Variants in ADAMTS17 observed in about 807,000 individuals in gnomAD.
The protein encoded by ADAMTS17 is ADAM metallopeptidase with thrombospondin type 1 motif 17, also known as A disintegrin and metalloproteinase with thrombospondin motifs 17.
In ADAMTS17, 113 loss-of-function variants were observed where a neutral mutation model predicts 141.5. The ratio of observed to expected loss-of-function variants is 0.80; its 90% CI spans 0.69 to 0.93. ADAMTS17 has a LOEUF of 0.93. ADAMTS17 is among the 40% of genes least tolerant of loss of function. The probability of loss-of-function intolerance (pLI) is 0.00; values close to 1 mark genes in which losing one functional copy is unlikely to be tolerated. For synonymous variants in ADAMTS17, 768 were observed against 630.6 expected (o/e 1.22, Z -3.27); for missense variants, 1,659 against 1,517.9 (o/e 1.09, Z -1.54).
intron 13 of ADAMTS17, among the ~76,000 whole-genome samples, chr15:100,114,077 T>C (rs79387994): frequency 0.011 from 1,651 of 152,306 alleles, 36 homozygotes; most frequent in African/African-American, 0.036. Context: ...AAGGAGGATC[T>C]TTGTCTTCTT....
rs370527829 is a variant in ADAMTS17, at chr15:100,073,290, T to C, written c.2138-19236A>G. ...AGGTGCTGGAGAGGATGTGGAGAAA[T>C]AGGAACACTTTTACACTGCTGGTAG... On this transcript the variant is annotated intron_variant, in intron 15 of 21. Coordinates refer to ENST00000268070, the MANE Select transcript of ADAMTS17 (RefSeq NM_139057.4). Among the ~76,000 whole-genome samples the C allele has an allele frequency of 6.6e-5, 10 of 152,234 alleles. No individual in the cohort carries two copies. The South Asian group carries it at 1.9e-3, about 28-fold the overall frequency.
At chr15:100,008,935 G>A (rs2061098581) in intron 18 of ADAMTS17, among the ~76,000 whole-genome samples, 2 of 152,148 alleles carry the variant, frequency 1.3e-5, no homozygotes, top group South Asian at 4.1e-4. Context: ...ACCTCTTGGG[G>A]CTCAAGTGAT....
chr15:100,149,667 C>T (rs1032846611), intron 10 of ADAMTS17, among the ~76,000 whole-genome samples: 2 of 152,174 alleles, frequency 1.3e-5, no homozygotes, highest in South Asian at 4.1e-4. Flanking sequence ...TGGTCCAATC[C>T]TAGCCAAAAG....
At chr15:100,328,841 G>A (rs2045966591) in intron 3 of ADAMTS17, among the ~76,000 whole-genome samples, 3 of 152,166 alleles carry the variant, frequency 2.0e-5, no homozygotes, top group Admixed American at 2.0e-4. Context: ...ATGGACTAGA[G>A]TCTGATGAAC....
At chr15:100,073,942 T>C (rs1302961625) in intron 15 of ADAMTS17, 2 of 152,168 alleles carry the variant, frequency 1.3e-5, no homozygotes, top group Admixed American at 1.3e-4. Context: ...TTTCTATGTA[T>C]TAATTTTGTA....
rs1039194615 is a variant in ADAMTS17 at position 100,133,244 on chromosome 15, G to C, written c.1545C>G (p.Pro515=). 1.9e-6 allele frequency: 3 copies of C among 1,598,868 alleles called. No individual in the cohort carries two copies. In the African/African-American group the frequency reaches 4.0e-5, roughly 21 times the overall value. The change falls in exon 11 of 22, where the codon CCC becomes CCG. Residue 515 remains proline (P), a synonymous_variant. Transcript: ENST00000268070. ...CTGCCCCACACTCGGTGCCATCCAG[G>C]GGAGGGTCCAGCTTGGTCTTGCAGG... ...DTSCKTKLDP[P]LDGTECGADK... is the part of the protein sequence containing the mutation.
At chr15:100,103,329 C>A (rs1164390313) in intron 14 of ADAMTS17, among the ~76,000 whole-genome samples, 1 of 152,214 alleles carries the variant, frequency 6.6e-6, no homozygotes, top group Non-Finnish European at 1.5e-5. Context: ...CAAACCCAGG[C>A]TTAAGTGCCA....
At chr15:100,281,202 A>G (rs770745697) in intron 4 of ADAMTS17, 27 bp downstream of exon 4, 4 of 1,600,570 alleles carry the variant, frequency 2.5e-6, no homozygotes, top group Non-Finnish European at 3.4e-6. Flanking sequence ...AGAGCCCCCC[A>G]CATCAGGACC....
At chr15:100,272,304 T>C (rs1443124365) in intron 4 of ADAMTS17, among the ~76,000 whole-genome samples, 1 of 152,184 alleles carries the variant, frequency 6.6e-6, no homozygotes, top group East Asian at 1.9e-4. Context: ...AACATTGATA[T>C]CTTAACAATA....
intron 8 of ADAMTS17, among the ~76,000 whole-genome samples, chr15:100,163,162 T>C (rs1175995177): frequency 4.6e-5 from 7 of 151,930 alleles, no homozygotes; most frequent in African/African-American, 1.7e-4. Context: ...TATACACACA[T>C]ACATCTCCAT....
chr15:99,988,872 C>T (rs2060640880), intron 20 of ADAMTS17, among the ~76,000 whole-genome samples: 1 of 152,218 alleles, frequency 6.6e-6, no homozygotes, highest in Non-Finnish European at 1.5e-5. Flanking sequence ...AGCACCAGGT[C>T]TTGGGCAGGG....
At position 99,986,849 on chromosome 15, in the gene ADAMTS17, T is replaced by C. The variant is rs531027060; in HGVS notation, c.2949+6199A>G. 8.5e-5 allele frequency among the ~76,000 whole-genome samples: 13 copies of C among 152,238 alleles called. No individual in the cohort carries two copies. The South Asian group carries it at 2.7e-3, about 32-fold the overall frequency. On this transcript the variant is annotated intron_variant, in intron 20 of 21. Transcript: ENST00000268070. ...CAGTGGGTGAAAACAACGATCAGCA[T>C]TGTTTTCTGGAAAGAGCTACTATCC...
intron 15 of ADAMTS17, among the ~76,000 whole-genome samples, chr15:100,059,935 C>A (rs1008892471): frequency 6.6e-6 from 1 of 152,192 alleles, no homozygotes; most frequent in African/African-American, 2.4e-5. Flanking sequence ...CCCCTCAAAC[C>A]TTGGGCATCA....
Position 99,974,065 on chromosome 15 carries a change from T to A in ADAMTS17, c.*337A>T. 2.5e-6 allele frequency: 1 copy of A among 393,780 alleles called. No individual in the cohort carries two copies. Among genetic ancestry groups the A allele is most frequent in the East Asian group, 6.0e-5 (1 of 16,646 alleles). The allele number at this position is 393,780 out of a possible 1,614,324, so 24.4% of individuals were successfully genotyped here. On this transcript the variant is annotated 3_prime_UTR_variant, in exon 22 of 22. Coordinates refer to ENST00000268070, the MANE Select transcript of ADAMTS17 (RefSeq NM_139057.4). The stretch of plus-strand genomic sequence containing the variant: ...ATATACCAAGCACTGGAAATTCAAA[T>A]GTCAAAAGCGAGTCAAGACAAGAAC...
intron 14 of ADAMTS17, among the ~76,000 whole-genome samples, chr15:100,097,356 C>G (rs1419449837): frequency 1.3e-5 from 2 of 152,210 alleles, no homozygotes; most frequent in African/African-American, 4.8e-5. Context: ...ATTGGCACTT[C>G]AGACTCCAAA....
At chr15:99,990,201 A>AT (rs1162375721) in intron 20 of ADAMTS17, among the ~76,000 whole-genome samples, 2 of 151,854 alleles carry the variant, frequency 1.3e-5, no homozygotes, top group African/African-American at 4.8e-5. Context: ...ACGCCCAGCT[A>AT]TTTTTTTGAT....
chr15:100,071,263 CA>C (rs1483128012), intron 15 of ADAMTS17, among the ~76,000 whole-genome samples: 1 of 149,864 alleles, frequency 6.7e-6, no homozygotes, highest in Non-Finnish European at 1.5e-5. Flanking sequence ...GCTTATCAAC[CA>C]AAAAAAGTCC....
chr15:100,109,180 G>A, intron 13 of ADAMTS17, 64 bp from the exon 14 acceptor site: 1 of 1,554,384 alleles, frequency 6.4e-7, no homozygotes, highest in Admixed American at 1.9e-5. Context: ...GCAGGGCACA[G>A]GTACATGTGG....
intron 18 of ADAMTS17, among the ~76,000 whole-genome samples, chr15:100,025,665 C>T (rs1408118212): frequency 1.3e-5 from 2 of 152,060 alleles, no homozygotes; most frequent in Admixed American, 1.3e-4. Flanking sequence ...CTGCCAGCCT[C>T]GGCCTCCCAA....
Sources: gnomAD v4.1 joint callset for allele counts (sites outside exome capture counted in the v4.1 genomes callset) on GRCh38, gnomAD v4.1.1 for gene constraint, MANE v1.5 for transcripts, NCBI Gene and HGNC (gene_info 2026-07-23, HGNC 2026-07-21) for gene names.